The following LACTBL1 variants were observed in gnomAD, a reference collection of about 807,000 sequenced individuals.
LACTBL1 encodes the protein beta-lactamase-like protein 1.
In LACTBL1, 29 loss-of-function variants were observed where a neutral mutation model predicts 39.6. That is an observed-to-expected ratio of 0.73 (90% CI 0.55 to 1.00). LACTBL1 has a LOEUF of 1.00. Ranked by LOEUF, LACTBL1 falls within the 50% of genes least tolerant of loss-of-function variation. The probability of loss-of-function intolerance (pLI) is 0.00; values close to 1 mark genes in which losing one functional copy is unlikely to be tolerated. For synonymous variants in LACTBL1, 361 were observed against 360.7 expected (o/e 1.00, Z -0.01); for missense variants, 711 against 748.5 (o/e 0.95, Z 0.59).
intron 2 of LACTBL1, among the ~76,000 whole-genome samples, chr1:22,962,673 G>A (rs892372590): frequency 2.6e-5 from 4 of 151,950 alleles, no homozygotes; most frequent in Non-Finnish European, 4.4e-5. Flanking sequence ...GCCCTTCCAC[G>A]TGCTGTTCCA....
At chr1:22,953,406 C>T in exon 6 of LACTBL1, 3 of 1,227,884 alleles carry the variant, frequency 2.4e-6, no homozygotes, top group Non-Finnish European at 3.0e-6. Context: ...CGAAGGGGTG[C>T]GCGGTGGGCG....
At chr1:22,961,154 G>A (rs1014367675) in intron 2 of LACTBL1, among the ~76,000 whole-genome samples, 3 of 152,104 alleles carry the variant, frequency 2.0e-5, no homozygotes, top group Non-Finnish European at 4.4e-5. Flanking sequence ...GACATTTATT[G>A]GACATTTAGA....
chr1:22,971,826 C>T, the LACTBL1 span, among the ~76,000 whole-genome samples: 1 of 152,204 alleles, frequency 6.6e-6, no homozygotes, highest in Non-Finnish European at 1.5e-5. Context: ...ATTGTTCCTA[C>T]ATCTTATAGG....
At chr1:22,970,158 C>T (rs1478026360), upstream of LACTBL1, among the ~76,000 whole-genome samples, 1 of 152,184 alleles carries the variant, frequency 6.6e-6, no homozygotes, top group African/African-American at 2.4e-5. Context: ...AGGGTTCTCA[C>T]TGAAATCATC....
chr1:22,966,667 T>C (rs1254209050), upstream of LACTBL1, among the ~76,000 whole-genome samples: 1 of 152,162 alleles, frequency 6.6e-6, no homozygotes, highest in East Asian at 1.9e-4. Context: ...TGCCCAGCTC[T>C]CTCCCCTCTA....
chr1:22,955,494 C>T, intron 4 of LACTBL1, 68 bp from the exon 7 acceptor site: 1 of 983,464 alleles, frequency 1.0e-6, no homozygotes, highest in Non-Finnish European at 1.5e-6. Context: ...CCTGGGTGCA[C>T]TCCCTCCCCA....
exon 2 of LACTBL1, chr1:22,963,204 G>A: frequency 7.4e-7 from 1 of 1,356,588 alleles, no homozygotes; most frequent in Non-Finnish European, 9.5e-7. Context: ...GGTCTCCTCT[G>A]GTCCCAGGGA....
chr1:22,957,188 T>C (rs1372150353), intron 4 of LACTBL1, among the ~76,000 whole-genome samples: 1 of 152,180 alleles, frequency 6.6e-6, no homozygotes, highest in African/African-American at 2.4e-5. Context: ...ACGCAGAACA[T>C]GATTATCCTT....
chr1:22,964,388 A>T (rs995425611), intron 1 of LACTBL1, among the ~76,000 whole-genome samples: 4 of 152,158 alleles, frequency 2.6e-5, no homozygotes, highest in African/African-American at 9.7e-5. Context: ...CACCTTGTGG[A>T]CAGGTCTGGG....
chr1:22,961,606 C>T (rs749128585), intron 2 of LACTBL1, among the ~76,000 whole-genome samples: 2 of 152,034 alleles, frequency 1.3e-5, no homozygotes, highest in Non-Finnish European at 2.9e-5. Context: ...TCAGGTGATC[C>T]GGCTGCCTCA....
Position 22,964,965 on chromosome 1 carries a change from C to T in LACTBL1, c.49+325G>A, listed in dbSNP as rs546959732. Among the ~76,000 whole-genome samples, 26 of 152,302 alleles carry T rather than the reference C, an allele frequency of 1.7e-4. 1 individual carries two copies. In the South Asian group the frequency reaches 5.4e-3, roughly 32 times the overall value. ...GGGGGCTGGAGCCTGGAGATTCCATCATGGTGGCCAAAGGCAGAGGAAGGG... is the reference window on the plus strand; with the variant it reads ...GGGGGCTGGAGCCTGGAGATTCCATTATGGTGGCCAAAGGCAGAGGAAGGG... On this transcript the variant is annotated intron_variant, in intron 1 of 5. Transcript: ENST00000426928.
the LACTBL1 span, chr1:22,972,353 A>T: frequency 1.9e-5 from 19 of 985,006 alleles, no homozygotes; most frequent in Non-Finnish European, 2.2e-5. Context: ...CTCTTTGAGG[A>T]TTCAGGTCTA....
At chr1:22,960,701 A>G (rs933746811) in intron 2 of LACTBL1, among the ~76,000 whole-genome samples, 14 of 150,760 alleles carry the variant, frequency 9.3e-5, no homozygotes, top group Admixed American at 2.0e-4. Flanking sequence ...CAATAGGCCT[A>G]GCCTGAACCC....
chr1:22,957,899 G>A (rs944588173), intron 4 of LACTBL1, among the ~76,000 whole-genome samples: 36 of 152,094 alleles, frequency 2.4e-4, no homozygotes, highest in Non-Finnish European at 4.0e-4. Context: ...TGGTCCGCCC[G>A]CCTCAACCTT....
chr1:22,965,866 T>C (rs546074634), upstream of LACTBL1, among the ~76,000 whole-genome samples: 4 of 152,322 alleles, frequency 2.6e-5, no homozygotes, highest in Admixed American at 2.0e-4. Context: ...TATTTCATTC[T>C]TCTACTTATA....
chr1:22,971,453 G>C, the LACTBL1 span, among the ~76,000 whole-genome samples: 1 of 152,066 alleles, frequency 6.6e-6, no homozygotes, highest in Non-Finnish European at 1.5e-5. Context: ...CAGTAGGGGA[G>C]GGCCCAGGAA....
exon 6 of LACTBL1, chr1:22,953,505 G>A: frequency 8.1e-7 from 1 of 1,232,476 alleles, no homozygotes. Flanking sequence ...GGTCGGGCCC[G>A]GGCGGCCGTG....
At chr1:22,957,215 GTGTT>G (rs1380330953) in intron 4 of LACTBL1, among the ~76,000 whole-genome samples, 3 of 152,050 alleles carry the variant, frequency 2.0e-5, no homozygotes, top group Non-Finnish European at 4.4e-5. Flanking sequence ...GGTCTATACA[GTGTT>G]TGATTGTACA....
chr1:22,967,216 A>G (rs1411857299), upstream of LACTBL1, among the ~76,000 whole-genome samples: 1 of 152,102 alleles, frequency 6.6e-6, no homozygotes, highest in Non-Finnish European at 1.5e-5. Flanking sequence ...AAAAAATACA[A>G]AAATTAGCCA....
Sources: gnomAD v4.1 joint callset for allele counts (sites outside exome capture counted in the v4.1 genomes callset) on GRCh38, gnomAD v4.1.1 for gene constraint, MANE v1.5 for transcripts, NCBI Gene and HGNC (gene_info 2026-07-23, HGNC 2026-07-21) for gene names.